OSBPL7: variants seen among roughly 807,000 people sequenced by gnomAD.
The protein encoded by OSBPL7 is oxysterol binding protein like 7, also known as oxysterol-binding protein-related protein 7.
In OSBPL7, 66 loss-of-function variants were observed where a neutral mutation model predicts 115.8. That is an observed-to-expected ratio of 0.57 (90% CI 0.47 to 0.70). The LOEUF (loss-of-function observed/expected upper bound fraction) is 0.70. OSBPL7 is among the 30% of genes least tolerant of loss of function. The probability of loss-of-function intolerance (pLI) is 0.00; values close to 1 mark genes in which losing one functional copy is unlikely to be tolerated. For missense variants in OSBPL7, 902 were observed against 1,125.5 expected, an observed-to-expected ratio of 0.80 and a Z score of 2.84; for synonymous variants, 441 against 439.2, an observed-to-expected ratio of 1.00 and a Z score of -0.05.
chr17:47,820,964 C>T (rs2033378149), intron 1 of OSBPL7: 1 of 152,292 alleles, frequency 6.6e-6, no homozygotes, highest in Non-Finnish European at 1.5e-5. Context: ...CTAGGATGCC[C>T]TTTTTGGACC....
intron 16 of OSBPL7, among the ~76,000 whole-genome samples, chr17:47,812,432 G>A (rs894368683): frequency 6.6e-6 from 1 of 152,148 alleles, no homozygotes; most frequent in South Asian, 2.1e-4. Flanking sequence ...GGAGCTCCAG[G>A]CCAGCGACTC....
Position 47,817,291 on chromosome 17 carries a change from G to T in OSBPL7, c.667C>A (p.Arg223=). 6.2e-7 allele frequency: 1 copy of T among 1,602,252 alleles called. No individual in the cohort carries two copies. Among genetic ancestry groups the T allele is most frequent in the Non-Finnish European group, 8.5e-7 (1 of 1,177,106 alleles). ...RLLQSLESLH[R]IPSAPVIPTH... ...GGGATAACAGGGGCTGAGGGGATTC[G>T]GTGCAGGGACTCCAGGCTCTGGAGG... is the stretch of plus-strand genomic sequence containing the variant. The change falls in exon 8 of 23, where the codon CGA becomes AGA. Residue 223 remains arginine (R), a synonymous_variant. Transcript: ENST00000007414.
chr17:47,813,621 T>C lies in OSBPL7; in HGVS notation c.1565A>G (p.Gln522Arg), dbSNP rs765034496. 6.2e-7 allele frequency: 1 copy of C among 1,612,572 alleles called. No individual in the cohort carries two copies. The highest frequency in any genetic ancestry group is 1.1e-5 in the South Asian group (1 of 91,078). ...GCAGGGGTCGGCGATGCGGCTGGCCTGGTCCAGGAGGCTGCTGTACTCCAG... is the reference window on the plus strand; with the variant it reads ...GCAGGGGTCGGCGATGCGGCTGGCCCGGTCCAGGAGGCTGCTGTACTCCAG... The part of the protein sequence containing the change: ...EELEYSSLLD[Q>R]ASRIADPCER... Residue 522 changes from glutamine (Q) to arginine (R), a missense_variant, in exon 15 of 23, where the codon CAG becomes CGG. Around this residue, in one of 3 missense-constraint regions of OSBPL7, gnomAD observed 667 missense variants for 788.7 expected, o/e 0.85. Transcript: ENST00000007414.
rs778748482 is a variant in OSBPL7, at chr17:47,816,893, C to T, written c.703-21G>A. On this transcript the variant is annotated intron_variant, in intron 8 of 22. Coordinates refer to ENST00000007414, the MANE Select transcript of OSBPL7 (RefSeq NM_145798.3). This position sits in a 1 kb window ranked among gnomAD's most constrained non-coding sequence, Gnocchi z 5.8. Reference sequence around the variant, plus strand: ...GAGGCCTGGCAAGTCAAGGTGGGGGCAATTTTACTCACAGGGTGGGGAAAA... The same window carrying T: ...GAGGCCTGGCAAGTCAAGGTGGGGGTAATTTTACTCACAGGGTGGGGAAAA... The T allele has an allele frequency of 2.5e-6, 4 of 1,610,678 alleles. No homozygotes were observed. The South Asian group carries it at 4.4e-5, about 18-fold the overall frequency.
At chr17:47,811,136 C>T (rs1361598493) in intron 16 of OSBPL7, among the ~76,000 whole-genome samples, 1 of 152,076 alleles carries the variant, frequency 6.6e-6, no homozygotes, top group Non-Finnish European at 1.5e-5. Context: ...ATGGGTGGGG[C>T]CTCCACCCCA....
intron 18 of OSBPL7, 91 bp from the exon 19 acceptor site, chr17:47,809,569 G>A (rs1419472057): frequency 1.4e-6 from 2 of 1,478,264 alleles, no homozygotes; most frequent in African/African-American, 2.8e-5. Flanking sequence ...AGGTCATGTG[G>A]GCCTGTGACA....
intron 5 of OSBPL7, 140 bp downstream of exon 5, chr17:47,818,846 T>C (rs2033311295): frequency 1.2e-6 from 1 of 850,216 alleles, no homozygotes; most frequent in Non-Finnish European, 1.9e-6. Context: ...CTTGGCTGTT[T>C]TTACAGGATG....
chr17:47,817,812 T>C (rs1397186674), intron 7 of OSBPL7, among the ~76,000 whole-genome samples: 2 of 152,018 alleles, frequency 1.3e-5, no homozygotes, highest in African/African-American at 2.4e-5. Context: ...CCTGGGAGGG[T>C]CTGAAGCCTA....
At chr17:47,819,371 C>T in intron 4 of OSBPL7, 1 of 562,542 alleles carries the variant, frequency 1.8e-6, no homozygotes, top group Non-Finnish European at 3.2e-6. Flanking sequence ...GAAGGCAACA[C>T]CCTCCCAGAG....
Position 47,808,980 on chromosome 17 carries a change from G to A in OSBPL7, c.2181C>T (p.Pro727=), listed in dbSNP as rs148004195. The change falls in exon 21 of 23, where the codon CCC becomes CCT. Residue 727 remains proline, a synonymous_variant. Transcript: ENST00000007414. The surrounding 1 kb of genome is among the most constrained non-coding windows in gnomAD (Gnocchi z 6.1). ...AGCCGAAGTTTCGCTCATGGTCGGG[G>A]GGCATTGAGTCTGGGGGAAGGCAAG... ...GQCIWKPNSM[P]PDHERNFGFT... is the part of the protein sequence containing the mutation. 5.6e-6 allele frequency: 9 copies of A among 1,614,042 alleles called. 1 individual carries two copies. The highest frequency in any genetic ancestry group is 2.2e-5 in the South Asian group (2 of 91,086).
chr17:47,820,369 G>A lies in OSBPL7; in HGVS notation c.-87-4C>T. On this transcript the variant is annotated splice_polypyrimidine_tract_variant and splice_region_variant and intron_variant, in intron 1 of 22. Coordinates refer to ENST00000007414, the MANE Select transcript of OSBPL7 (RefSeq NM_145798.3). ...GTCACCTGCTCCTGACGGGGTCCTT[G>A]AAGCAAGAGAAAGACCCCCTTAACG... 1 of 1,285,804 alleles carries A rather than the reference G, an allele frequency of 7.8e-7. No homozygotes were observed. Among genetic ancestry groups the A allele is most frequent in the Non-Finnish European group, 1.1e-6 (1 of 935,814 alleles). The allele number at this position is 1,285,804 out of a possible 1,614,324, so 79.6% of individuals were successfully genotyped here. A position where few individuals can be genotyped will look rare whatever the true frequency, so the allele number is the denominator to read the frequency against.
In OSBPL7 at chr17:47,816,563, C is replaced by A. The variant is rs752512397; in HGVS notation, c.928G>T (p.Val310Leu). 2 of 1,609,774 alleles carry A rather than the reference C, an allele frequency of 1.2e-6. No homozygotes were observed. The highest frequency in any genetic ancestry group is 8.5e-7 in the Non-Finnish European group (1 of 1,178,128). The change falls in exon 10 of 23, where the codon GTG becomes TTG. Residue 310 changes from valine (V) to leucine (L), a missense_variant and splice_region_variant. Physicochemically the swap from Val to Leu is conservative, Grantham distance 32 (BLOSUM62 1). Transcript: ENST00000007414. The surrounding 1 kb of genome is among the most constrained non-coding windows in gnomAD (Gnocchi z 5.8). Reference protein sequence around the residue: ...QRSFWALAQKVHSSLSSVLAA... With the variant: ...QRSFWALAQKLHSSLSSVLAA... ...CCAGCCCCTCCCAGCAGGCACTTAC[C>A]CTTCTGGGCCAGGGCCCAGAAGCTG... is the stretch of plus-strand genomic sequence containing the variant.
chr17:47,820,472 C>A (rs539221126), intron 1 of OSBPL7, 107 bp from the exon 2 acceptor site: 8 of 587,760 alleles, frequency 1.4e-5, no homozygotes, highest in Non-Finnish European at 2.1e-5. Context: ...ATACCCTCTG[C>A]TCACCTGCCA....
Position 47,815,381 on chromosome 17 carries a change from C to T in OSBPL7, c.1120-29G>A, listed in dbSNP as rs757258162. On this transcript the variant is annotated intron_variant, in intron 12 of 22. Coordinates refer to ENST00000007414, the MANE Select transcript of OSBPL7 (RefSeq NM_145798.3). ...TGGGAGCAGCCAGATGGATGTCAGG[C>T]TCCGGGGCCAAGCCGGGGGGATCAA... is the stretch of plus-strand genomic sequence containing the variant. 5 of 1,612,110 alleles carry T rather than the reference C, an allele frequency of 3.1e-6. No individual in the cohort carries two copies. In the Admixed American group the frequency reaches 6.7e-5, roughly 22 times the overall value.
chr17:47,819,921 T>TTCCCCCCCCCCCCCC, intron 3 of OSBPL7, 50 bp downstream of exon 3: 2 of 1,343,814 alleles, frequency 1.5e-6, no homozygotes, highest in South Asian at 1.2e-5. Flanking sequence ...TGCCCCCCAT[T>TTCCCCCCCCCCCCCC]CCCACCCCGC....
At chr17:47,815,135 T>C in intron 13 of OSBPL7, 80 bp downstream of exon 13, 1 of 1,525,498 alleles carries the variant, frequency 6.6e-7, no homozygotes. Flanking sequence ...CTGAGGAATC[T>C]ATGGTCTCTG....
rs1327443852 is a variant in OSBPL7 at position 47,807,955 on chromosome 17, C to T, written c.*336G>A. 1 of 338,934 alleles carries T rather than the reference C, an allele frequency of 3.0e-6. No homozygotes were observed. The highest frequency in any genetic ancestry group is 2.1e-5 in the African/African-American group (1 of 48,302). The allele number at this position is 338,934 out of a possible 1,614,324, so 21.0% of individuals were successfully genotyped here. A position where few individuals can be genotyped will look rare whatever the true frequency, so the allele number is the denominator to read the frequency against. ...AGGAGTCCCCTGTGTCCTAGGAAGG[C>T]ACTGAAATAGGGAACAGATCCTGGG... On this transcript the variant is annotated 3_prime_UTR_variant, in exon 23 of 23. Coordinates refer to ENST00000007414, the MANE Select transcript of OSBPL7 (RefSeq NM_145798.3).
At position 47,818,347 on chromosome 17, in the gene OSBPL7, C is replaced by A; in HGVS notation, c.520G>T (p.Ala174Ser). 6.2e-7 allele frequency: 1 copy of A among 1,614,174 alleles called. No homozygotes were observed. Among genetic ancestry groups the A allele is most frequent in the Non-Finnish European group, 8.5e-7 (1 of 1,180,016 alleles). The change falls in exon 7 of 23, where the codon GCC becomes TCC. Residue 174 changes from alanine to serine, a missense_variant. Ala to Ser is a moderately conservative substitution (Grantham distance 99, BLOSUM62 1). Around this residue, in one of 3 missense-constraint regions of OSBPL7, gnomAD observed 667 missense variants for 788.7 expected, o/e 0.85. Coordinates refer to ENST00000007414, the MANE Select transcript of OSBPL7 (RefSeq NM_145798.3). ...AQLPTAATAS[A>S]LPGLGPREKV... ...TCCCGCGGTCCAAGCCCAGGTAGGG[C>A]TGAGGCAGTAGCTGCTGTTGGAAGC...
Position 47,808,671 on chromosome 17 carries a change from A to G in OSBPL7, c.2298-11T>C. 2 of 1,614,038 alleles carry G rather than the reference A, an allele frequency of 1.2e-6. No homozygotes were observed. The highest frequency in any genetic ancestry group is 1.1e-5 in the South Asian group (1 of 91,064). ...CCCTCCTCCAGGTACCTGAGGATCC[A>G]GATCAAACTCAGGGGAACTGCCCAT... is the stretch of plus-strand genomic sequence containing the variant. On this transcript the variant is annotated splice_polypyrimidine_tract_variant and intron_variant, in intron 21 of 22. Transcript: ENST00000007414. The surrounding 1 kb of genome is among the most constrained non-coding windows in gnomAD (Gnocchi z 6.1).
Sources: allele counts gnomAD v4.1 joint callset (sites outside exome capture counted in the v4.1 genomes callset), GRCh38; gene constraint gnomAD v4.1.1; regional missense constraint gnomAD v4.1.1; non-coding constraint Gnocchi (gnomAD v3.1); transcripts MANE v1.5; gene names NCBI Gene and HGNC (gene_info 2026-07-23, HGNC 2026-07-21).